The following USH2A variants were observed in gnomAD, a reference collection of about 807,000 sequenced individuals.
The protein encoded by USH2A is Usher syndrome 2A (autosomal recessive, mild).
In USH2A, 443 loss-of-function variants were observed where a neutral mutation model predicts 538.9. That is an observed-to-expected ratio of 0.82 (90% CI 0.76 to 0.89). The LOEUF (loss-of-function observed/expected upper bound fraction) is 0.89, where lower values mean the gene tolerates loss of function less well. USH2A is among the 40% of genes least tolerant of loss of function. USH2A has a pLI of 0.00. For missense variants in USH2A, 6,633 were observed against 6,324.8 expected (o/e 1.05, Z -1.65); for synonymous variants, 2,413 against 2,273.5 (o/e 1.06, Z -1.75).
chr1:215,645,956 A>C (rs1028538842), intron 67 of USH2A, among the ~76,000 whole-genome samples: 2 of 152,218 alleles, frequency 1.3e-5, no homozygotes, highest in Non-Finnish European at 2.9e-5. Context: ...ATTAATTTAT[A>C]TATGGAATAT....
At chr1:215,836,016 C>T (rs1317291325) in intron 47 of USH2A, among the ~76,000 whole-genome samples, 2 of 151,962 alleles carry the variant, frequency 1.3e-5, no homozygotes, top group East Asian at 1.9e-4. Flanking sequence ...GTGCAATAAT[C>T]TTCTTAAAGG....
intron 35 of USH2A, among the ~76,000 whole-genome samples, chr1:215,985,193 T>G (rs1267059518): frequency 6.6e-6 from 1 of 152,212 alleles, no homozygotes; most frequent in Non-Finnish European, 1.5e-5. Context: ...AATAAAGTTA[T>G]TTTAAAATAA....
intron 13 of USH2A, among the ~76,000 whole-genome samples, chr1:216,241,539 T>G (rs773128): frequency 0.64 from 95,862 of 148,922 alleles, 30,757 homozygotes; most frequent in East Asian, 0.76. Context: ...TGTCTTTTTG[T>G]TTTTTTTTTT....
chr1:215,704,758 G>A (rs1659136354), intron 61 of USH2A, among the ~76,000 whole-genome samples: 1 of 152,210 alleles, frequency 6.6e-6, no homozygotes, highest in South Asian at 2.1e-4. Flanking sequence ...TGGAAAGGAT[G>A]TATTTCCATC....
intron 5 of USH2A, among the ~76,000 whole-genome samples, chr1:216,326,064 G>GT (rs2037727883): frequency 6.6e-6 from 1 of 152,166 alleles, no homozygotes; most frequent in Non-Finnish European, 1.5e-5. Flanking sequence ...ATCTGCTTCT[G>GT]TTTTAAGTGA....
intron 14 of USH2A, among the ~76,000 whole-genome samples, chr1:216,219,410 C>T (rs950268661): frequency 2.6e-5 from 4 of 151,996 alleles, no homozygotes; most frequent in African/African-American, 9.7e-5. Context: ...AAGGATTAAG[C>T]AAAATGATTC....
chr1:216,029,342 T>G (rs906578219), intron 32 of USH2A, among the ~76,000 whole-genome samples: 1 of 152,092 alleles, frequency 6.6e-6, no homozygotes, highest in African/African-American at 2.4e-5. Context: ...ATATACACTT[T>G]GAAGATATTC....
intron 30 of USH2A, among the ~76,000 whole-genome samples, chr1:216,057,925 C>G (rs1390171001): frequency 6.6e-6 from 1 of 152,174 alleles, no homozygotes; most frequent in Non-Finnish European, 1.5e-5. Context: ...GGAATAAAGA[C>G]AGCATTTTTC....
chr1:216,413,190 T>TTACACACACA (rs1189820061), intron 3 of USH2A, among the ~76,000 whole-genome samples: 2 of 151,804 alleles, frequency 1.3e-5, no homozygotes, highest in African/African-American at 4.8e-5. Context: ...GCATGCATAC[T>TTACACACACA]TACACACACA....
In USH2A at chr1:216,246,698, A is replaced by G. The variant is rs1210226713; in HGVS notation, c.2696T>C (p.Met899Thr). The G allele has an allele frequency of 6.2e-7, 1 of 1,614,106 alleles. No individual in the cohort carries two copies. Reference protein sequence around the residue: ...LTIDNFQHCQMCECDSLGTLP... With the variant: ...LTIDNFQHCQTCECDSLGTLP... ...TGTCCCCAAGGAATCACACTCACAC[A>G]TCTGGCAGTGTTGAAAATTGTCAAT... The change falls in exon 13 of 72, where the codon ATG becomes ACG. Residue 899 changes from methionine (M) to threonine (T), a missense_variant. Physicochemically the swap from Met to Thr is moderately conservative, Grantham distance 81 (BLOSUM62 -1). Coordinates refer to ENST00000307340, the MANE Select transcript of USH2A (RefSeq NM_206933.4).
intron 55 of USH2A, among the ~76,000 whole-genome samples, chr1:215,768,662 A>T (rs1483402820): frequency 9.2e-5 from 14 of 152,230 alleles, no homozygotes; most frequent in Non-Finnish European, 1.2e-4. Context: ...ATGATTACAA[A>T]ATGTAAAGCT....
chr1:215,665,766 T>A (rs1240000122), intron 64 of USH2A, among the ~76,000 whole-genome samples: 4 of 152,160 alleles, frequency 2.6e-5, no homozygotes, highest in African/African-American at 9.7e-5. Context: ...TAGAAATGAT[T>A]ATTGTCTTTA....
intron 29 of USH2A, among the ~76,000 whole-genome samples, chr1:216,071,947 G>A (rs772380418): frequency 1.3e-5 from 2 of 152,126 alleles, no homozygotes; most frequent in African/African-American, 2.4e-5. Context: ...AAATATGTAG[G>A]TAGAGAGTCT....
chr1:215,662,756 T>C lies in USH2A; in HGVS notation c.14133+8216A>G, dbSNP rs143741509. Among the ~76,000 whole-genome samples the C allele has an allele frequency of 5.5e-3, 829 of 151,874 alleles. 12 individuals carry two copies. Among genetic ancestry groups the C allele is most frequent in the African/African-American group, 0.019 (804 of 41,402 alleles). ...CATTTAAAACCTTGAGCTGTGGGAG[T>C]TGGGGTGGGTGTGGGGAGCTTAGTT... On this transcript the variant is annotated intron_variant, in intron 64 of 71. Transcript: ENST00000307340.
Position 215,888,932 on chromosome 1 carries a change from G to A in USH2A, c.7717C>T (p.Arg2573Cys), listed in dbSNP as rs140983855. Residue 2573 changes from arginine to cysteine, a missense_variant, in exon 41 of 72, where the codon CGT (arginine) becomes TGT (cysteine). Transcript: ENST00000307340. ...ITHYNIYLHG[R>C]LYLRTPGNVT... Reference sequence around the variant, plus strand: ...TTTCCAGGAGTTCTCAAGTATAGACGGCCATGTAGATAAATGTTATAATGG... The same window carrying A: ...TTTCCAGGAGTTCTCAAGTATAGACAGCCATGTAGATAAATGTTATAATGG... The A allele has an allele frequency of 3.6e-5, 58 of 1,614,100 alleles. No homozygotes were observed. In the African/African-American group the frequency reaches 4.8e-4, roughly 13 times the overall value.
chr1:216,331,479 T>G lies in USH2A; in HGVS notation c.785-3825A>C, dbSNP rs190718628. Among the ~76,000 whole-genome samples, 35 of 152,124 alleles carry G rather than the reference T, an allele frequency of 2.3e-4. No homozygotes were observed. The East Asian group carries it at 4.1e-3, about 18-fold the overall frequency. On this transcript the variant is annotated intron_variant, in intron 4 of 71. Coordinates refer to ENST00000307340, the MANE Select transcript of USH2A (RefSeq NM_206933.4). ...AACAAAATTAGTCAAATGGGAAAAC[T>G]AAGTAATCCAACATATAAATCAGGG...
intron 4 of USH2A, among the ~76,000 whole-genome samples, chr1:216,350,182 C>A (rs2038255306): frequency 6.6e-6 from 1 of 151,986 alleles, no homozygotes; most frequent in Non-Finnish European, 1.5e-5. Flanking sequence ...ATGAAAAATC[C>A]ACCTCCAGAA....
intron 46 of USH2A, among the ~76,000 whole-genome samples, chr1:215,840,241 T>C (rs1663640842): frequency 6.7e-6 from 1 of 149,852 alleles, no homozygotes; most frequent in African/African-American, 2.5e-5. Flanking sequence ...ATAGCTATTT[T>C]ACAGATGGGG....
chr1:215,768,441 GC>G (rs1368122115), intron 55 of USH2A, among the ~76,000 whole-genome samples: 9 of 150,918 alleles, frequency 6.0e-5, no homozygotes, highest in Non-Finnish European at 1.3e-4. Flanking sequence ...AGCTGGAGCT[GC>G]TCCAAGGTTT....
Sources: allele counts gnomAD v4.1 joint callset (sites outside exome capture counted in the v4.1 genomes callset), GRCh38; gene constraint gnomAD v4.1.1; transcripts MANE v1.5; gene names NCBI Gene and HGNC (gene_info 2026-07-23, HGNC 2026-07-21).